The following SORCS3 variants were observed in gnomAD, a reference collection of about 807,000 sequenced individuals.
SORCS3 encodes sortilin related VPS10 domain containing receptor 3.
SORCS3 carries 57 observed loss-of-function variants against 146.3 expected under a neutral mutation model. The observed-to-expected ratio is 0.39, with a 90% CI of 0.31 to 0.49. The LOEUF is 0.49. Among genes scored for constraint, SORCS3 ranks in the 20% least tolerant of loss-of-function variants. SORCS3 has a pLI of 0.92. For missense variants in SORCS3, 1,341 were observed against 1,575.5 expected, an observed-to-expected ratio of 0.85 and a Z score of 2.52; for synonymous variants, 653 against 618.5, an observed-to-expected ratio of 1.06 and a Z score of -0.83.
intron 2 of SORCS3, among the ~76,000 whole-genome samples, chr10:104,847,983 T>C (rs929475324): frequency 6.6e-6 from 1 of 152,116 alleles, no homozygotes; most frequent in African/African-American, 2.4e-5. Context: ...CCTCTTCTGC[T>C]TATGGGTAGC....
At chr10:104,926,457 A>G (rs1381631004) in intron 3 of SORCS3, among the ~76,000 whole-genome samples, 1 of 152,232 alleles carries the variant, frequency 6.6e-6, no homozygotes, top group Non-Finnish European at 1.5e-5. Flanking sequence ...AACATGAACC[A>G]AACCTCCCTC....
intron 1 of SORCS3, among the ~76,000 whole-genome samples, chr10:104,669,616 G>A (rs1267694873): frequency 1.3e-5 from 2 of 152,120 alleles, no homozygotes; most frequent in Non-Finnish European, 2.9e-5. Context: ...TATTTACCAT[G>A]TTTTGTTTAT....
chr10:105,224,942 A>T (rs2056725554), intron 20 of SORCS3, among the ~76,000 whole-genome samples: 1 of 152,094 alleles, frequency 6.6e-6, no homozygotes, highest in Admixed American at 6.5e-5. Context: ...TTGTTCCATT[A>T]CTTATTGAGT....
At chr10:104,968,682 G>A (rs2054841259) in intron 3 of SORCS3, among the ~76,000 whole-genome samples, 1 of 152,100 alleles carries the variant, frequency 6.6e-6, no homozygotes, top group Non-Finnish European at 1.5e-5. Flanking sequence ...CATAAATGCA[G>A]AACTCATGAT....
At chr10:105,197,331 G>A (rs1466724832) in intron 14 of SORCS3, among the ~76,000 whole-genome samples, 1 of 152,114 alleles carries the variant, frequency 6.6e-6, no homozygotes, top group East Asian at 1.9e-4. Context: ...TAAAATATAT[G>A]TGATTTTTAT....
intron 3 of SORCS3, among the ~76,000 whole-genome samples, chr10:104,938,706 A>G (rs143582317): frequency 9.2e-5 from 14 of 152,264 alleles, no homozygotes; most frequent in African/African-American, 2.4e-5. Context: ...GTTTCCATCT[A>G]TATAAATATG....
At chr10:105,125,061 C>G (rs10748874) in intron 7 of SORCS3, among the ~76,000 whole-genome samples, 77,333 of 151,948 alleles carry the variant, frequency 0.51, 19,963 homozygotes, top group Admixed American at 0.55. Context: ...TGTTCTTTGT[C>G]TACGGACGGG....
intron 5 of SORCS3, among the ~76,000 whole-genome samples, chr10:105,057,731 T>C (rs1182732749): frequency 1.3e-5 from 2 of 152,220 alleles, no homozygotes; most frequent in South Asian, 2.1e-4. Context: ...ATGCCTAAAA[T>C]AGATTCTTCA....
intron 1 of SORCS3, among the ~76,000 whole-genome samples, chr10:104,786,281 G>A (rs1431814555): frequency 6.7e-6 from 1 of 150,316 alleles, no homozygotes; most frequent in Non-Finnish European, 1.5e-5. Flanking sequence ...AAAAAGTGTA[G>A]TGGCTCTTGC....
At chr10:105,063,054 G>GATTTTATT (rs1218072007) in intron 5 of SORCS3, among the ~76,000 whole-genome samples, 3 of 152,190 alleles carry the variant, frequency 2.0e-5, no homozygotes, top group Non-Finnish European at 2.9e-5. Flanking sequence ...ATTGCTGAAT[G>GATTTTATT]ATTTTATTAT....
intron 1 of SORCS3, among the ~76,000 whole-genome samples, chr10:104,712,784 GA>G (rs1405840046): frequency 2.6e-5 from 4 of 152,158 alleles, no homozygotes. Flanking sequence ...AAGTAACCCA[GA>G]TGAGGACAAA....
chr10:104,657,503 T>C (rs1377631965), intron 1 of SORCS3, among the ~76,000 whole-genome samples: 1 of 152,214 alleles, frequency 6.6e-6, no homozygotes, highest in Non-Finnish European at 1.5e-5. Flanking sequence ...AGGGATGGAC[T>C]TAGGAGTGTT....
chr10:104,909,065 T>C (rs1354036984), intron 2 of SORCS3, among the ~76,000 whole-genome samples: 1 of 152,104 alleles, frequency 6.6e-6, no homozygotes, highest in Non-Finnish European at 1.5e-5. Flanking sequence ...TGATATTCTC[T>C]ACCTCTAGCT....
At chr10:105,041,296 C>T (rs1033551340) in intron 4 of SORCS3, among the ~76,000 whole-genome samples, 2 of 148,602 alleles carry the variant, frequency 1.3e-5, no homozygotes, top group Admixed American at 6.7e-5. Flanking sequence ...TCCTCTTCCC[C>T]ACACTTTTCC....
chr10:105,191,847 G>A (rs567681134), intron 14 of SORCS3, among the ~76,000 whole-genome samples: 3 of 152,218 alleles, frequency 2.0e-5, no homozygotes, highest in East Asian at 3.9e-4. Flanking sequence ...AGTAATGCTC[G>A]CTCCCTAGCC....
chr10:105,175,196 C>T (rs1008692381), intron 13 of SORCS3, among the ~76,000 whole-genome samples: 11 of 151,234 alleles, frequency 7.3e-5, no homozygotes, highest in Admixed American at 2.0e-4. Flanking sequence ...TACAGGCATG[C>T]GCCATCATGC....
At chr10:104,882,673 C>A (rs190483519) in intron 2 of SORCS3, among the ~76,000 whole-genome samples, 82 of 152,230 alleles carry the variant, frequency 5.4e-4, no homozygotes, top group Non-Finnish European at 9.4e-4. Flanking sequence ...CACTCCTATA[C>A]CCATAACATA....
intron 4 of SORCS3, among the ~76,000 whole-genome samples, chr10:105,017,896 A>C (rs2055177062): frequency 6.6e-6 from 1 of 152,172 alleles, no homozygotes; most frequent in Admixed American, 6.5e-5. Flanking sequence ...AGCCTCTAAG[A>C]CTTGGCCTCT....
At chr10:104,822,065 T>C in intron 1 of SORCS3, 1 of 517,694 alleles carries the variant, frequency 1.9e-6, no homozygotes, top group South Asian at 1.4e-5. Context: ...CCTTATTTTT[T>C]ATTCCTTCTC....
Sources: gnomAD v4.1 joint callset for allele counts (sites outside exome capture counted in the v4.1 genomes callset) on GRCh38, gnomAD v4.1.1 for gene constraint, MANE v1.5 for transcripts, NCBI Gene and HGNC (gene_info 2026-07-23, HGNC 2026-07-21) for gene names.